GARIN4: variants seen among roughly 807,000 people sequenced by gnomAD.
GARIN4 encodes Golgi-associated RAB2 interactor protein 4.
the GARIN4 span, chr1:212,625,791 C>A: frequency 6.2e-7 from 1 of 1,614,182 alleles, no homozygotes. Flanking sequence ...AATTCTGCCC[C>A]TGGACAGGTG....
the GARIN4 span, chr1:212,625,797 A>G: frequency 0.016 from 26,122 of 1,614,206 alleles, 271 homozygotes; most frequent in Non-Finnish European, 0.019. Flanking sequence ...GCCCCTGGAC[A>G]GGTGAGCGCA....
chr1:212,625,911 C>T, the GARIN4 span: 18 of 1,614,204 alleles, frequency 1.1e-5, no homozygotes, highest in Non-Finnish European at 1.5e-5. Flanking sequence ...GTGGCTGTGG[C>T]AGGGGCTGCA....
the GARIN4 span, chr1:212,625,596 G>C: frequency 1.9e-6 from 3 of 1,614,216 alleles, no homozygotes; most frequent in Non-Finnish European, 2.5e-6. Flanking sequence ...GCTTATGCTG[G>C]AGGGGAGGGA....
chr1:212,625,004 G>A, the GARIN4 span: 1 of 1,614,170 alleles, frequency 6.2e-7, no homozygotes, highest in Non-Finnish European at 8.5e-7. Context: ...ATTCAAGTAT[G>A]CACCGATATT....
the GARIN4 span, chr1:212,626,329 C>G: frequency 6.2e-7 from 1 of 1,614,226 alleles, no homozygotes; most frequent in South Asian, 1.1e-5. Context: ...CGGGGAGCAG[C>G]AGGCACAGGG....
chr1:212,624,713 C>T, the GARIN4 span: 1 of 1,352,872 alleles, frequency 7.4e-7, no homozygotes, highest in East Asian at 2.6e-5. Flanking sequence ...CTCTGGGAGG[C>T]TCTGAGGCAA....
At chr1:212,625,297 C>T in the GARIN4 span, 1 of 1,614,216 alleles carries the variant, frequency 6.2e-7, no homozygotes, top group Non-Finnish European at 8.5e-7. Flanking sequence ...AACAGCTGCG[C>T]CTGAAGTTCG....
the GARIN4 span, chr1:212,624,854 C>T: frequency 1.1e-5 from 17 of 1,546,098 alleles, no homozygotes; most frequent in African/African-American, 2.3e-4. Flanking sequence ...CTCACCAGTG[C>T]TGCCGTTGTG....
the GARIN4 span, chr1:212,624,599 C>T: frequency 2.9e-6 from 1 of 350,038 alleles, no homozygotes; most frequent in Non-Finnish European, 5.1e-6. Context: ...AAGAAAACCT[C>T]TCTGGAGCCC....
At chr1:212,626,463 T>C in the GARIN4 span, 1 of 1,614,174 alleles carries the variant, frequency 6.2e-7, no homozygotes, top group Non-Finnish European at 8.5e-7. Flanking sequence ...GTCAGCTCTT[T>C]CCTGAGGAAC....
At chr1:212,626,596 G>A in the GARIN4 span, 2 of 1,614,034 alleles carry the variant, frequency 1.2e-6, no homozygotes, top group East Asian at 2.2e-5. Flanking sequence ...AGGGTGGCCA[G>A]GGGCTGGAGA....
chr1:212,625,604 G>T, the GARIN4 span: 1 of 1,614,048 alleles, frequency 6.2e-7, no homozygotes. Flanking sequence ...TGGAGGGGAG[G>T]GACTCCAAAA....
the GARIN4 span, chr1:212,624,803 C>T: frequency 1.4e-6 from 2 of 1,459,076 alleles, no homozygotes; most frequent in Non-Finnish European, 1.8e-6. Flanking sequence ...ACCACTGGTC[C>T]CTCATCTGCC....
the GARIN4 span, chr1:212,626,653 A>G: frequency 6.3e-7 from 1 of 1,598,764 alleles, no homozygotes; most frequent in Non-Finnish European, 8.5e-7. Flanking sequence ...TGACCTTTGA[A>G]GCCCATTAAA....
At chr1:212,624,910 G>A in the GARIN4 span, 3 of 1,608,062 alleles carry the variant, frequency 1.9e-6, no homozygotes, top group Middle Eastern at 1.7e-4. Context: ...CGTATTATAC[G>A]GCCCAGAGTG....
chr1:212,624,897 T>C, the GARIN4 span: 1 of 1,589,840 alleles, frequency 6.3e-7, no homozygotes, highest in Admixed American at 1.8e-5. Flanking sequence ...GATTTTCTGC[T>C]GCCGTATTAT....
At chr1:212,626,157 G>C in the GARIN4 span, 2 of 1,614,216 alleles carry the variant, frequency 1.2e-6, no homozygotes, top group South Asian at 2.2e-5. Context: ...AGGGAAAGAA[G>C]GGAAAAGGAC....
the GARIN4 span, chr1:212,625,179 A>G: frequency 6.2e-7 from 1 of 1,614,186 alleles, no homozygotes. Flanking sequence ...TATGCTGGAC[A>G]TGGCCAGGCC....
At chr1:212,625,867 A>C in the GARIN4 span, 2 of 1,614,252 alleles carry the variant, frequency 1.2e-6, no homozygotes. Context: ...TGGCCCTTGC[A>C]GGCACTGCCA....
Sources: allele counts gnomAD v4.1 joint callset, GRCh38; gene constraint gnomAD v4.1.1; transcripts MANE v1.5; gene names NCBI Gene and HGNC (gene_info 2026-07-23, HGNC 2026-07-21).